The following TES variants were observed in gnomAD, a reference collection of about 807,000 sequenced individuals.
TES encodes testin.
Under a neutral mutation model 48.2 loss-of-function variants are expected in TES, and 41 were observed. That is an observed-to-expected ratio of 0.85 (90% CI 0.66 to 1.10). The LOEUF (loss-of-function observed/expected upper bound fraction) is 1.10, where lower values mean the gene tolerates loss of function less well. Ranked by LOEUF, TES falls within the 50% of genes least tolerant of loss-of-function variation. The probability of loss-of-function intolerance (pLI) is 0.00; values close to 1 mark genes in which losing one functional copy is unlikely to be tolerated. For synonymous variants in TES, 162 were observed against 174.9 expected (o/e 0.93, Z 0.58); for missense variants, 463 against 515.1 (o/e 0.90, Z 0.98).
chr7:116,250,760 G>A (rs968883630), intron 4 of TES, among the ~76,000 whole-genome samples: 2 of 152,158 alleles, frequency 1.3e-5, no homozygotes, highest in African/African-American at 2.4e-5. Flanking sequence ...GTTGGTATTG[G>A]CATGCTGATC....
intron 1 of TES, among the ~76,000 whole-genome samples, chr7:116,228,001 T>G (rs1405428768): frequency 7.4e-6 from 1 of 135,616 alleles, no homozygotes; most frequent in Non-Finnish European, 1.6e-5. Context: ...TCCATAGTCT[T>G]TTTTTTGTTT....
intron 1 of TES, among the ~76,000 whole-genome samples, chr7:116,221,556 G>C (rs1160631782): frequency 6.6e-6 from 1 of 152,160 alleles, no homozygotes; most frequent in Non-Finnish European, 1.5e-5. Context: ...GACCTCAAGA[G>C]ACCTTGCTTG....
intron 2 of TES, among the ~76,000 whole-genome samples, chr7:116,235,929 G>A (rs967569143): frequency 4.6e-5 from 7 of 152,154 alleles, no homozygotes; most frequent in Admixed American, 2.0e-4. Flanking sequence ...GTTTAAAATA[G>A]GAAAGTCAGT....
At chr7:116,239,796 C>T (rs1799820977) in intron 2 of TES, among the ~76,000 whole-genome samples, 1 of 152,126 alleles carries the variant, frequency 6.6e-6, no homozygotes, top group African/African-American at 2.4e-5. Flanking sequence ...ACACTATCTG[C>T]TGGGAATGCT....
chr7:116,238,256 A>G (rs1174536094), intron 2 of TES: 1 of 152,226 alleles, frequency 6.6e-6, no homozygotes, highest in Non-Finnish European at 1.5e-5. Context: ...AGCACAGAGT[A>G]CTGAGGCATG....
intron 2 of TES, among the ~76,000 whole-genome samples, chr7:116,248,426 C>T (rs924120896): frequency 1.3e-5 from 2 of 152,158 alleles, no homozygotes; most frequent in African/African-American, 4.8e-5. Flanking sequence ...AGTGTATAAG[C>T]ATTCCCTTTT....
rs142301131 is a variant in TES at position 116,245,256 on chromosome 7, C to T, written c.114-3764C>T. On this transcript the variant is annotated intron_variant, in intron 2 of 6. Transcript: ENST00000358204. ...GCAAATTTTTCAAACTTTTATCCTC[C>T]GTCACCTCTTGAATGCTTTGCTGCT... is the stretch of plus-strand genomic sequence containing the variant. 4.1e-3 allele frequency among the ~76,000 whole-genome samples: 617 copies of T among 152,116 alleles called. 1 individual carries two copies. Among genetic ancestry groups the T allele is most frequent in the African/African-American group, 0.014 (588 of 41,518 alleles).
At chr7:116,212,482 G>A (rs1247813846) in intron 1 of TES, among the ~76,000 whole-genome samples, 1 of 152,154 alleles carries the variant, frequency 6.6e-6, no homozygotes, top group Non-Finnish European at 1.5e-5. Context: ...AGTCCGGGAG[G>A]CTGCTGGAGA....
intron 2 of TES, among the ~76,000 whole-genome samples, chr7:116,240,916 GATA>G (rs1402287718): frequency 6.6e-6 from 1 of 152,172 alleles, no homozygotes; most frequent in Non-Finnish European, 1.5e-5. Context: ...TCTGATGAAA[GATA>G]ATCCACACAC....
At chr7:116,224,557 T>TC (rs1402741044) in intron 1 of TES, among the ~76,000 whole-genome samples, 1 of 152,164 alleles carries the variant, frequency 6.6e-6, no homozygotes, top group Non-Finnish European at 1.5e-5. Flanking sequence ...ATTTTTTTTT[T>TC]CTCTTGCTGT....
intron 1 of TES, among the ~76,000 whole-genome samples, chr7:116,224,142 G>A (rs1222315770): frequency 9.9e-5 from 15 of 152,210 alleles, no homozygotes; most frequent in Admixed American, 9.8e-4. Flanking sequence ...AGGCCCATGT[G>A]AGAAATCTTA....
At chr7:116,238,077 G>A (rs896966847) in intron 2 of TES, 2 of 152,172 alleles carry the variant, frequency 1.3e-5, no homozygotes, top group African/African-American at 2.4e-5. Context: ...CAAGTTGTTA[G>A]GAATCATTTT....
intron 1 of TES, among the ~76,000 whole-genome samples, chr7:116,225,665 G>A (rs1235768360): frequency 1.3e-5 from 2 of 152,136 alleles, no homozygotes; most frequent in East Asian, 3.8e-4. Context: ...AAAGGTGAGG[G>A]GATGTGGAAA....
chr7:116,222,449 C>G (rs528936605), intron 1 of TES, among the ~76,000 whole-genome samples: 1 of 152,098 alleles, frequency 6.6e-6, no homozygotes, highest in Non-Finnish European at 1.5e-5. Flanking sequence ...TCTGTACTGC[C>G]GTCTTTTTCT....
rs542489901 is a variant in TES, at chr7:116,214,561, G to A, written c.27+3827G>A. On this transcript the variant is annotated intron_variant, in intron 1 of 6. Coordinates refer to ENST00000358204, the MANE Select transcript of TES (RefSeq NM_015641.4). ...GAAGAAAATGAGTGGTCCTCGGCCA[G>A]GCTTTTATAAAACTATTCTAACCCA... is the stretch of plus-strand genomic sequence containing the variant. Among the ~76,000 whole-genome samples the A allele has an allele frequency of 3.3e-5, 5 of 152,236 alleles. No homozygotes were observed. In the East Asian group the frequency reaches 9.6e-4, roughly 29 times the overall value.
rs2116629551 is a variant in TES, at chr7:116,251,852, T to C, written c.795T>C (p.Cys265=). 1 of 1,614,178 alleles carries C rather than the reference T, an allele frequency of 6.2e-7. No individual in the cohort carries two copies. Among genetic ancestry groups the C allele is most frequent in the Non-Finnish European group, 8.5e-7 (1 of 1,180,028 alleles). The change falls in exon 5 of 7, where the codon TGT becomes TGC. Residue 265 remains cysteine, a synonymous_variant. Transcript: ENST00000358204. ...ATGATAAACTGTGGCACCCAGCTTG[T>C]TTTGTCTGCAGCACCTGCCATGAAC... ...AGYDKLWHPA[C]FVCSTCHELL... is the part of the protein sequence containing the mutation.
intron 6 of TES, chr7:116,255,328 A>G (rs1800082570): frequency 6.6e-6 from 1 of 152,242 alleles, no homozygotes; most frequent in African/African-American, 2.4e-5. Context: ...GGCAGGCAGG[A>G]AGTGGTGAAG....
intron 1 of TES, chr7:116,217,914 G>A (rs376251584): frequency 2.2e-5 from 11 of 511,580 alleles, no homozygotes; most frequent in South Asian, 8.5e-5. Context: ...GAATTAGAGC[G>A]ATAAGGATAT....
At chr7:116,217,807 C>T in intron 1 of TES, 1 of 518,350 alleles carries the variant, frequency 1.9e-6, no homozygotes, top group South Asian at 1.4e-5. Context: ...CAACTACAAT[C>T]TTTGACTCTC....
Sources: allele counts gnomAD v4.1 joint callset (sites outside exome capture counted in the v4.1 genomes callset), GRCh38; gene constraint gnomAD v4.1.1; transcripts MANE v1.5; gene names NCBI Gene and HGNC (gene_info 2026-07-23, HGNC 2026-07-21).